Variants in USP12 observed in about 807,000 individuals in gnomAD.
USP12 encodes the protein ubiquitin carboxyl-terminal hydrolase 12.
USP12 carries 19 observed loss-of-function variants against 45.5 expected under a neutral mutation model. The ratio of observed to expected loss-of-function variants is 0.42; its 90% CI spans 0.29 to 0.61. USP12 has a LOEUF of 0.61. Among genes scored for constraint, USP12 ranks in the 20% least tolerant of loss-of-function variants. The pLI, the probability that USP12 is intolerant of heterozygous loss-of-function variation, is 0.22. For missense variants in USP12, 242 were observed against 447.7 expected, an observed-to-expected ratio of 0.54 and a Z score of 4.15; for synonymous variants, 149 against 148.8, an observed-to-expected ratio of 1.00 and a Z score of -0.01.
chr13:27,086,514 T>G (rs1874055832), intron 6 of USP12, among the ~76,000 whole-genome samples: 1 of 152,020 alleles, frequency 6.6e-6, no homozygotes. Context: ...CGATTTACAT[T>G]TATCCGTATT....
Position 27,145,038 on chromosome 13 carries a change from G to A in USP12, c.48+26554C>T, listed in dbSNP as rs576355300. Among the ~76,000 whole-genome samples the A allele has an allele frequency of 5.3e-4, 80 of 152,198 alleles. 1 individual carries two copies. Among genetic ancestry groups the A allele is most frequent in the African/African-American group, 7.2e-4 (30 of 41,456 alleles). On this transcript the variant is annotated intron_variant, in intron 1 of 8. Coordinates refer to ENST00000282344, the MANE Select transcript of USP12 (RefSeq NM_182488.4). ...GCCACGATCGCACCACTGCATTCCA[G>A]CCTGGGCTGGACCCTGCAGCAGAGT... is the stretch of plus-strand genomic sequence containing the variant.
At position 27,092,163 on chromosome 13, in the gene USP12, C is replaced by T. The variant is rs73497365; in HGVS notation, c.574-2005G>A. ...ACTTAAATATAAATCTAACAAAACA[C>T]GCATGGTATTGATATGAGGAAGAAC... On this transcript the variant is annotated intron_variant, in intron 4 of 8. Transcript: ENST00000282344. Among the ~76,000 whole-genome samples the T allele has an allele frequency of 2.4e-3, 372 of 152,220 alleles. 2 individuals are homozygous for T. The highest frequency in any genetic ancestry group is 7.8e-3 in the African/African-American group (324 of 41,498).
rs994660173 is a variant in USP12 at position 27,071,327 on chromosome 13, G to T, written c.933-178C>A. 9.2e-5 allele frequency among the ~76,000 whole-genome samples: 14 copies of T among 151,928 alleles called. No individual in the cohort carries two copies. In the South Asian group the frequency reaches 2.9e-3, roughly 32 times the overall value. ...AGATAAAGCTACACTGAGTTGAACT[G>T]GTCATCAATTTTAAAATCAAATAAT... On this transcript the variant is annotated intron_variant, in intron 7 of 8. Transcript: ENST00000282344.
intron 6 of USP12, among the ~76,000 whole-genome samples, chr13:27,078,819 G>T (rs1482522505): frequency 6.6e-6 from 1 of 151,932 alleles, no homozygotes; most frequent in East Asian, 1.9e-4. Context: ...AAATCAGTAA[G>T]GATAGGAAAA....
At chr13:27,097,421 C>A (rs1018706387) in intron 3 of USP12, among the ~76,000 whole-genome samples, 1 of 152,132 alleles carries the variant, frequency 6.6e-6, no homozygotes, top group Non-Finnish European at 1.5e-5. Context: ...GCCGAGATTG[C>A]GCCATTGCAC....
At chr13:27,163,326 C>G (rs927698938) in intron 1 of USP12, among the ~76,000 whole-genome samples, 2 of 152,110 alleles carry the variant, frequency 1.3e-5, no homozygotes, top group African/African-American at 2.4e-5. Flanking sequence ...CCCGCTTTCA[C>G]GCCAAACCAC....
intron 1 of USP12, among the ~76,000 whole-genome samples, chr13:27,169,874 T>G (rs981762810): frequency 6.6e-6 from 1 of 152,248 alleles, no homozygotes; most frequent in African/African-American, 2.4e-5. Flanking sequence ...GGCTGCTAAG[T>G]GTATACTTGA....
At chr13:27,106,393 G>C (rs1489515925) in intron 2 of USP12, among the ~76,000 whole-genome samples, 1 of 151,016 alleles carries the variant, frequency 6.6e-6, no homozygotes, top group Non-Finnish European at 1.5e-5. Context: ...TAGTAATTGG[G>C]GCGAGACGGG....
intron 1 of USP12, among the ~76,000 whole-genome samples, chr13:27,149,120 G>T (rs1877454168): frequency 6.6e-6 from 1 of 152,250 alleles, no homozygotes; most frequent in South Asian, 2.1e-4. Flanking sequence ...GAAGGCAGGG[G>T]TGTGGTAAGA....
At chr13:27,073,369 G>A (rs1479446397) in intron 7 of USP12, among the ~76,000 whole-genome samples, 4 of 152,220 alleles carry the variant, frequency 2.6e-5, no homozygotes, top group Non-Finnish European at 5.9e-5. Flanking sequence ...CAGCTGGCAA[G>A]AGGATTTTAC....
At chr13:27,121,384 C>T (rs1875977886) in intron 1 of USP12, among the ~76,000 whole-genome samples, 1 of 151,912 alleles carries the variant, frequency 6.6e-6, no homozygotes, top group Non-Finnish European at 1.5e-5. Context: ...CTCTTCCACT[C>T]CACAAAAGGC....
intron 1 of USP12, among the ~76,000 whole-genome samples, chr13:27,133,787 TA>T (rs896132776): frequency 6.6e-6 from 1 of 151,698 alleles, no homozygotes. Flanking sequence ...TATAGAAATG[TA>T]AAAAAAAATT....
intron 1 of USP12, among the ~76,000 whole-genome samples, chr13:27,166,853 GT>G (rs1878367437): frequency 6.6e-6 from 1 of 152,018 alleles, no homozygotes. Flanking sequence ...CAACGCCCTA[GT>G]ACCCTACCAC....
intron 1 of USP12, among the ~76,000 whole-genome samples, chr13:27,135,426 A>G (rs1876757901): frequency 6.6e-6 from 1 of 152,192 alleles, no homozygotes; most frequent in East Asian, 1.9e-4. Context: ...TATTGGGTCT[A>G]TGGAGGCCGG....
chr13:27,094,761 G>A (rs1298845142), intron 4 of USP12, among the ~76,000 whole-genome samples: 1 of 151,896 alleles, frequency 6.6e-6, no homozygotes, highest in African/African-American at 2.4e-5. Context: ...AAAAGACCAT[G>A]TAAATGTTTC....
chr13:27,078,341 T>C (rs1389030660), intron 6 of USP12, among the ~76,000 whole-genome samples: 2 of 152,230 alleles, frequency 1.3e-5, no homozygotes, highest in African/African-American at 4.8e-5. Context: ...ATAGGTCATA[T>C]GCAAATGCTA....
At position 27,089,854 on chromosome 13, in the gene USP12, C is replaced by T. The variant is rs183098036; in HGVS notation, c.734+29G>A. On this transcript the variant is annotated intron_variant, in intron 6 of 8. Coordinates refer to ENST00000282344, the MANE Select transcript of USP12 (RefSeq NM_182488.4). ...ACATCAATTACAAAAAATAAAATCA[C>T]TTAAAAATCCATAAAGCTCTAAAAT... is the stretch of plus-strand genomic sequence containing the variant. 595 of 1,598,766 alleles carry T rather than the reference C, an allele frequency of 3.7e-4. 3 individuals are homozygous for T. In the African/African-American group the frequency reaches 7.2e-3, roughly 19 times the overall value.
chr13:27,115,568 C>T (rs1426808404), intron 2 of USP12, among the ~76,000 whole-genome samples: 1 of 152,138 alleles, frequency 6.6e-6, no homozygotes, highest in Non-Finnish European at 1.5e-5. Flanking sequence ...CATGGATTCA[C>T]CTAATAGTAC....
intron 6 of USP12, among the ~76,000 whole-genome samples, chr13:27,085,363 T>G (rs943668063): frequency 1.3e-4 from 20 of 152,102 alleles, no homozygotes; most frequent in Non-Finnish European, 2.1e-4. Flanking sequence ...GTATTTTCAG[T>G]AGAGACGGGG....
Sources: gnomAD v4.1 joint callset for allele counts (sites outside exome capture counted in the v4.1 genomes callset) on GRCh38, gnomAD v4.1.1 for gene constraint, MANE v1.5 for transcripts, NCBI Gene and HGNC (gene_info 2026-07-23, HGNC 2026-07-21) for gene names.